The following CDK13 variants were observed in gnomAD, a reference collection of about 807,000 sequenced individuals.
CDK13 encodes cyclin-dependent kinase 13.
A neutral mutation model predicts 137.6 loss-of-function variants in CDK13; 40 were observed. The ratio of observed to expected loss-of-function variants is 0.29; its 90% CI spans 0.23 to 0.38. CDK13 has a LOEUF of 0.38. Among genes scored for constraint, CDK13 ranks in the 10% least tolerant of loss-of-function variants. The probability of loss-of-function intolerance (pLI) is 1.00; values close to 1 mark genes in which losing one functional copy is unlikely to be tolerated. For missense variants in CDK13, 1,704 were observed against 1,951.8 expected (o/e 0.87, Z 2.39); for synonymous variants, 869 against 760.1 (o/e 1.14, Z -2.36).
In CDK13 at chr7:39,951,642, G is replaced by A; in HGVS notation, c.1001G>A (p.Ser334Asn). Residue 334 changes from serine to asparagine, a missense_variant, in exon 1 of 14, where the codon AGC becomes AAC. This residue lies in a region of CDK13 where 1,051 missense variants were observed against 931.0 expected (regional missense o/e 1.13). Coordinates refer to ENST00000181839, the MANE Select transcript of CDK13 (RefSeq NM_003718.5). The part of the protein sequence containing the change: ...DSPVSHRASQ[S>N]LRSRKSPSPA... ...CCGGTGTCCCACAGGGCCTCTCAGA[G>A]CCTGAGGAGCCGCAAGTCCCCCAGC... 2 of 1,476,300 alleles carry A rather than the reference G, an allele frequency of 1.4e-6. No homozygotes were observed. The highest frequency in any genetic ancestry group is 1.8e-6 in the Non-Finnish European group (2 of 1,117,888). 91.5% of individuals were successfully genotyped at this position (1,476,300 alleles called of 1,614,324 possible). A position where few individuals can be genotyped will look rare whatever the true frequency, so the allele number is the denominator to read the frequency against.
intron 1 of CDK13, among the ~76,000 whole-genome samples, chr7:39,957,759 T>C (rs574388016): frequency 2.0e-5 from 3 of 152,344 alleles, no homozygotes; most frequent in African/African-American, 7.2e-5. Context: ...GAATTAATCT[T>C]TAAAGAGAAA....
rs765860629 is a variant in CDK13, at chr7:39,999,421, C to T, written c.2103C>T (p.Cys701=). The T allele has an allele frequency of 8.7e-6, 14 of 1,612,936 alleles. No homozygotes were observed. Among genetic ancestry groups the T allele is most frequent in the Admixed American group, 1.7e-5 (1 of 59,912 alleles). The change falls in exon 4 of 14, where the codon TGC becomes TGT. Residue 701 remains cysteine, a synonymous_variant. Coordinates refer to ENST00000181839, the MANE Select transcript of CDK13 (RefSeq NM_003718.5). ...KEKDIDWGKR[C]VDKFDIIGII... is the part of the protein sequence containing the mutation. Reference sequence around the variant, plus strand: ...AAGATATTGACTGGGGAAAACGCTGCGTGGATAAATTTGATATCATCGGAA... The same window carrying T: ...AAGATATTGACTGGGGAAAACGCTGTGTGGATAAATTTGATATCATCGGAA...
intron 1 of CDK13, among the ~76,000 whole-genome samples, chr7:39,960,513 T>C (rs1281370286): frequency 6.6e-6 from 1 of 152,086 alleles, no homozygotes; most frequent in Non-Finnish European, 1.5e-5. Context: ...CGCCTTGGCC[T>C]CTCAAAGTGC....
At chr7:39,976,323 T>TCTCTCTCACACACACACACACACACA in intron 1 of CDK13, among the ~76,000 whole-genome samples, 22 of 39,562 alleles carry the variant, frequency 5.6e-4, no homozygotes, top group Admixed American at 1.3e-3. Context: ...TCTCTCTCTC[T>TCTCTCTCACACACACACACACACACA]CACACACACA....
chr7:39,995,867 G>A (rs1169318989), intron 2 of CDK13, among the ~76,000 whole-genome samples: 1 of 151,934 alleles, frequency 6.6e-6, no homozygotes, highest in East Asian at 1.9e-4. Flanking sequence ...AAAATTAGCC[G>A]GGCATGGTGG....
At chr7:40,040,278 C>G (rs1253776823) in intron 5 of CDK13, among the ~76,000 whole-genome samples, 2 of 152,158 alleles carry the variant, frequency 1.3e-5, no homozygotes, top group Non-Finnish European at 2.9e-5. Flanking sequence ...TATCCCAATA[C>G]CACCAATTAA....
At chr7:40,018,180 A>G (rs1785041666) in intron 5 of CDK13, among the ~76,000 whole-genome samples, 1 of 152,172 alleles carries the variant, frequency 6.6e-6, no homozygotes, top group Non-Finnish European at 1.5e-5. Flanking sequence ...TGTGGGAGGA[A>G]GAATGCTTTT....
intron 1 of CDK13, among the ~76,000 whole-genome samples, chr7:39,977,290 A>C (rs552929091): frequency 6.6e-6 from 1 of 152,324 alleles, no homozygotes; most frequent in African/African-American, 2.4e-5. Context: ...GTACCTTGAT[A>C]CTAGGCTGCT....
rs1316127664 is a variant in CDK13, at chr7:40,095,638, T to C, written c.*658T>C. The C allele has an allele frequency of 6.6e-6, 1 of 151,872 alleles. No homozygotes were observed. The highest frequency in any genetic ancestry group is 2.4e-5 in the African/African-American group (1 of 41,304). 9.4% of individuals were successfully genotyped at this position (151,872 alleles called of 1,614,324 possible). The stretch of plus-strand genomic sequence containing the variant: ...TTTAAATGAAATAGTGGGTTTTATA[T>C]GAAAACTATGGGTGGGGTGGGGAGG... On this transcript the variant is annotated 3_prime_UTR_variant, in exon 14 of 14. Coordinates refer to ENST00000181839, the MANE Select transcript of CDK13 (RefSeq NM_003718.5).
chr7:40,074,991 T>G (rs945900559), intron 9 of CDK13, among the ~76,000 whole-genome samples: 5 of 152,144 alleles, frequency 3.3e-5, no homozygotes, highest in Non-Finnish European at 5.9e-5. Flanking sequence ...AATCTATAAA[T>G]TTAGAGTGGC....
At chr7:40,062,716 T>G (rs891497211) in intron 7 of CDK13, 110 bp from the exon 8 acceptor site, 4 of 762,404 alleles carry the variant, frequency 5.2e-6, no homozygotes, top group Non-Finnish European at 9.0e-6. Flanking sequence ...CAGATGAAAG[T>G]GTTTTTAGTT....
chr7:39,999,196 C>T, intron 3 of CDK13, 165 bp from the exon 4 acceptor site: 3 of 469,280 alleles, frequency 6.4e-6, no homozygotes, highest in Non-Finnish European at 1.1e-5. Flanking sequence ...CGATAACTTA[C>T]AATACCAAAT....
intron 7 of CDK13, among the ~76,000 whole-genome samples, chr7:40,049,909 G>A (rs1389361931): frequency 6.6e-6 from 1 of 151,802 alleles, no homozygotes; most frequent in African/African-American, 2.4e-5. Context: ...ATAAATGACA[G>A]GATTTCCTTG....
intron 7 of CDK13, among the ~76,000 whole-genome samples, chr7:40,051,031 C>A (rs980313722): frequency 1.3e-5 from 2 of 151,922 alleles, no homozygotes; most frequent in Non-Finnish European, 2.9e-5. Flanking sequence ...ATTGGAGTGC[C>A]GGGGTGTGGT....
chr7:39,997,399 A>G (rs974050907), intron 2 of CDK13, 95 bp from the exon 3 acceptor site: 6 of 927,278 alleles, frequency 6.5e-6, no homozygotes, highest in Non-Finnish European at 8.5e-6. Context: ...ACTGTTGAAT[A>G]TTCATGACTA....
chr7:39,989,562 ATGT>A (rs978591634), intron 2 of CDK13, among the ~76,000 whole-genome samples: 69 of 152,238 alleles, frequency 4.5e-4, no homozygotes, highest in African/African-American at 1.5e-3. Flanking sequence ...AATAATCAAA[ATGT>A]TGTTGGGAGA....
Position 39,987,675 on chromosome 7 carries a change from A to G in CDK13, c.1288A>G (p.Arg430Gly), listed in dbSNP as rs780435401. 1.2e-6 allele frequency: 2 copies of G among 1,614,010 alleles called. No homozygotes were observed. The highest frequency in any genetic ancestry group is 1.1e-5 in the South Asian group (1 of 91,060). Residue 430 changes from arginine (R) to glycine (G), a missense_variant, in exon 2 of 14, where the codon AGA becomes GGA. Transcript: ENST00000181839. ...SRSRSRHRLS[R>G]SRSRHSSISP... ...ATCTCGTAGCAGGCACAGATTGTCTAGATCCAGAAGTCGTCATTCTAGTAT... is the reference window on the plus strand; with the variant it reads ...ATCTCGTAGCAGGCACAGATTGTCTGGATCCAGAAGTCGTCATTCTAGTAT...
chr7:40,009,086 CAA>C lies in CDK13; in HGVS notation c.2353+7057_2353+7058del, dbSNP rs536020813. The stretch of plus-strand genomic sequence containing the variant: ...AAATATTTGTCATATATTTGAAAAA[CAA>C]AGTGTAAAAGAGAAAATAAGATGAC... On this transcript the variant is annotated intron_variant, in intron 5 of 13. Coordinates refer to ENST00000181839, the MANE Select transcript of CDK13 (RefSeq NM_003718.5). 1.5e-3 allele frequency among the ~76,000 whole-genome samples: 230 copies of C among 152,246 alleles called. 1 individual carries two copies. Among genetic ancestry groups the C allele is most frequent in the African/African-American group, 5.4e-3 (224 of 41,554 alleles).
chr7:40,015,001 T>C (rs1294281772), intron 5 of CDK13, among the ~76,000 whole-genome samples: 4 of 152,186 alleles, frequency 2.6e-5, no homozygotes, highest in Non-Finnish European at 5.9e-5. Flanking sequence ...ATGTATAAAA[T>C]AGATTGTAGT....
Sources: gnomAD v4.1 joint callset for allele counts (sites outside exome capture counted in the v4.1 genomes callset) on GRCh38, gnomAD v4.1.1 for gene constraint, gnomAD v4.1.1 regional missense constraint, MANE v1.5 for transcripts, NCBI Gene and HGNC (gene_info 2026-07-23, HGNC 2026-07-21) for gene names.